TNRC6A: variants seen among roughly 807,000 people sequenced by gnomAD.
TNRC6A encodes the protein trinucleotide repeat-containing gene 6A protein.
TNRC6A carries 44 observed loss-of-function variants against 221.2 expected under a neutral mutation model. That is an observed-to-expected ratio of 0.20 (90% CI 0.16 to 0.26). The LOEUF (loss-of-function observed/expected upper bound fraction) is 0.26. Among genes scored for constraint, TNRC6A ranks in the 10% least tolerant of loss-of-function variants. The pLI, the probability that TNRC6A is intolerant of heterozygous loss-of-function variation, is 1.00. For missense variants in TNRC6A, 2,199 were observed against 2,404.4 expected (o/e 0.91, Z 1.79); for synonymous variants, 847 against 838.5 (o/e 1.01, Z -0.18).
intron 1 of TNRC6A, among the ~76,000 whole-genome samples, chr16:24,628,927 T>A (rs1596556444): frequency 6.6e-6 from 1 of 152,302 alleles, no homozygotes; most frequent in South Asian, 2.1e-4. Context: ...TGGCATATAA[T>A]GGCATTTCAC....
At chr16:24,799,783 C>T (rs2058295450) in intron 11 of TNRC6A, among the ~76,000 whole-genome samples, 1 of 152,240 alleles carries the variant, frequency 6.6e-6, no homozygotes, top group Non-Finnish European at 1.5e-5. Flanking sequence ...ACCTCAGCTG[C>T]TCTTGGTTCT....
Position 24,801,076 on chromosome 16 carries a change from G to A in TNRC6A, c.3695-3101G>A, listed in dbSNP as rs186141095. 4.5e-4 allele frequency among the ~76,000 whole-genome samples: 69 copies of A among 152,348 alleles called. 1 individual carries two copies. The South Asian group carries it at 6.4e-3, about 14-fold the overall frequency. On this transcript the variant is annotated intron_variant, in intron 11 of 24. Transcript: ENST00000395799. ...GAATAGCAGGCTTGATAGATACTGC[G>A]TTTGAAGGTGCTCTGAAAACCACCT... is the stretch of plus-strand genomic sequence containing the variant.
chr16:24,762,327 T>G (rs1426391685), intron 4 of TNRC6A, among the ~76,000 whole-genome samples: 2 of 152,208 alleles, frequency 1.3e-5, no homozygotes, highest in African/African-American at 4.8e-5. Flanking sequence ...ATATTCACTA[T>G]CTATTAAGTC....
intron 5 of TNRC6A, among the ~76,000 whole-genome samples, chr16:24,786,300 T>G (rs12102630): frequency 4.4e-4 from 51 of 116,998 alleles, no homozygotes; most frequent in East Asian, 3.4e-3. Flanking sequence ...TTTGTTTTTT[T>G]TTGTTGTTGT....
chr16:24,629,717 G>A (rs1231883595), intron 1 of TNRC6A, among the ~76,000 whole-genome samples: 1 of 152,014 alleles, frequency 6.6e-6, no homozygotes, highest in African/African-American at 2.4e-5. Context: ...AGTGGTTCAC[G>A]CCTGTAATCT....
intron 1 of TNRC6A, among the ~76,000 whole-genome samples, chr16:24,625,737 C>CAAAAA (rs749882396): frequency 1.6e-3 from 38 of 23,802 alleles, no homozygotes; most frequent in Non-Finnish European, 2.2e-3. Flanking sequence ...CGTCTCAAAA[C>CAAAAA]AAAAAAAAAA....
chr16:24,779,975 A>G (rs2057805141), intron 5 of TNRC6A, among the ~76,000 whole-genome samples: 1 of 152,086 alleles, frequency 6.6e-6, no homozygotes, highest in Non-Finnish European at 1.5e-5. Flanking sequence ...TTAAATTGAG[A>G]CTTGAGACCT....
At chr16:24,685,733 G>A (rs1412871950) in intron 2 of TNRC6A, among the ~76,000 whole-genome samples, 2 of 152,180 alleles carry the variant, frequency 1.3e-5, no homozygotes, top group East Asian at 1.9e-4. Flanking sequence ...GCCCTTGGGC[G>A]AGTCACTCCA....
chr16:24,701,903 A>G (rs2055985331), intron 2 of TNRC6A, among the ~76,000 whole-genome samples: 1 of 151,944 alleles, frequency 6.6e-6, no homozygotes, highest in African/African-American at 2.4e-5. Flanking sequence ...TTTGGAGTCC[A>G]TCCATCAACT....
intron 20 of TNRC6A, among the ~76,000 whole-genome samples, chr16:24,818,061 G>A (rs1365039078): frequency 2.6e-5 from 4 of 152,124 alleles, no homozygotes; most frequent in African/African-American, 9.7e-5. Context: ...GATGGTGGTC[G>A]GGTCTAGAGC....
chr16:24,790,172 A>C lies in TNRC6A; in HGVS notation c.1530A>C (p.Gly510=), dbSNP rs202104246. The change falls in exon 6 of 25, where the codon GGA becomes GGC. Residue 510 remains glycine, a synonymous_variant. Transcript: ENST00000395799. Reference sequence around the variant, plus strand: ...CTTCCCTTTCTCACCTTAGCAATGGAGAGTCAAAAAGTGGAGGCTCTTATG... The same window carrying C: ...CTTCCCTTTCTCACCTTAGCAATGGCGAGTCAAAAAGTGGAGGCTCTTATG... ...NGTSLSHLSN[G]ESKSGGSYGT... The C allele has an allele frequency of 6.2e-7, 1 of 1,614,168 alleles. No individual in the cohort carries two copies. Among genetic ancestry groups the C allele is most frequent in the East Asian group, 2.2e-5 (1 of 44,888 alleles).
chr16:24,795,718 T>C (rs2151915011), intron 8 of TNRC6A, 189 bp from the exon 9 acceptor site: 2 of 473,732 alleles, frequency 4.2e-6, no homozygotes, highest in South Asian at 1.1e-4. Context: ...TTTACATAAG[T>C]CATTTGATCC....
intron 18 of TNRC6A, among the ~76,000 whole-genome samples, chr16:24,814,348 C>T (rs1337792124): frequency 4.0e-5 from 6 of 150,326 alleles, no homozygotes; most frequent in Non-Finnish European, 8.9e-5. Context: ...ATGGAGGAGA[C>T]TTGGTTTTCC....
chr16:24,749,445 A>AT lies in TNRC6A; in HGVS notation c.54-1278dup, dbSNP rs148455077. Among the ~76,000 whole-genome samples, 1,174 of 152,298 alleles carry AT rather than the reference A, an allele frequency of 7.7e-3. 9 individuals carry two copies. Among genetic ancestry groups the AT allele is most frequent in the Middle Eastern group, 0.041 (12 of 294 alleles). On this transcript the variant is annotated intron_variant, in intron 2 of 24. Transcript: ENST00000395799. ...GAGTATTTCTTTGGCTTGAGGCTGC[A>AT]TTTAGAAGCAGCTACTATCTGTGGC...
intron 2 of TNRC6A, among the ~76,000 whole-genome samples, chr16:24,651,238 A>G (rs1202588897): frequency 1.3e-5 from 2 of 151,634 alleles, no homozygotes; most frequent in Non-Finnish European, 2.9e-5. Context: ...CGTATGCCAC[A>G]ATTTAAAATA....
chr16:24,751,447 A>G (rs1474634996), intron 3 of TNRC6A, among the ~76,000 whole-genome samples: 6 of 152,192 alleles, frequency 3.9e-5, no homozygotes, highest in Non-Finnish European at 8.8e-5. Flanking sequence ...CTAATTTAGT[A>G]TAGGAAACTA....
At chr16:24,755,031 C>G (rs1454022139) in intron 3 of TNRC6A, among the ~76,000 whole-genome samples, 8 of 152,128 alleles carry the variant, frequency 5.3e-5, no homozygotes, top group African/African-American at 1.9e-4. Context: ...GTAACATGAC[C>G]AGGCCTGAGT....
intron 18 of TNRC6A, 29 bp from the exon 19 acceptor site, chr16:24,815,118 A>G (rs1239339668): frequency 6.3e-7 from 1 of 1,598,666 alleles, no homozygotes. Flanking sequence ...TATTTTGCTC[A>G]CATTTCTCTA....
chr16:24,766,957 G>A (rs141424916), intron 4 of TNRC6A, among the ~76,000 whole-genome samples: 47 of 152,212 alleles, frequency 3.1e-4, no homozygotes, highest in African/African-American at 1.0e-3. Context: ...GATTACAGGC[G>A]TGAGCCACTG....
Sources: gnomAD v4.1 joint callset for allele counts (sites outside exome capture counted in the v4.1 genomes callset) on GRCh38, gnomAD v4.1.1 for gene constraint, MANE v1.5 for transcripts, NCBI Gene and HGNC (gene_info 2026-07-23, HGNC 2026-07-21) for gene names.